The following RTN1 variants were observed in gnomAD, a reference collection of about 807,000 sequenced individuals.
RTN1 encodes the protein reticulon 1, also known as reticulon-1.
RTN1 carries 25 observed loss-of-function variants against 65.5 expected under a neutral mutation model. That is an observed-to-expected ratio of 0.38 (90% CI 0.28 to 0.53). The LOEUF (loss-of-function observed/expected upper bound fraction) is 0.53. RTN1 is among the 20% of genes least tolerant of loss of function. The probability of loss-of-function intolerance (pLI) is 0.79; values close to 1 mark genes in which losing one functional copy is unlikely to be tolerated. For synonymous variants in RTN1, 471 were observed against 447.6 expected, an observed-to-expected ratio of 1.05 and a Z score of -0.66; for missense variants, 983 against 1,025.4, an observed-to-expected ratio of 0.96 and a Z score of 0.57.
chr14:59,868,729 G>T lies in RTN1; in HGVS notation c.241+1661C>A, dbSNP rs1051901089. Among the ~76,000 whole-genome samples the T allele has an allele frequency of 2.0e-5, 3 of 152,094 alleles. No homozygotes were observed. The highest frequency in any genetic ancestry group is 4.4e-5 in the Non-Finnish European group (3 of 68,014). On this transcript the variant is annotated intron_variant, in intron 1 of 8. Transcript: ENST00000267484. The surrounding 1 kb of genome is among the most constrained non-coding windows in gnomAD (Gnocchi z 4.0). ...TGGGGCACTTAGCTTCCTTTTTCTA[G>T]TTCACATAATCTTAGTGGCACTAAT...
At chr14:59,725,858 G>A (rs1191533867) in intron 3 of RTN1, among the ~76,000 whole-genome samples, 3 of 152,180 alleles carry the variant, frequency 2.0e-5, no homozygotes, top group African/African-American at 7.2e-5. Flanking sequence ...ATTGAAGTTA[G>A]CATAGACACA....
At chr14:59,661,803 G>A (rs1010810826) in intron 3 of RTN1, among the ~76,000 whole-genome samples, 1 of 152,178 alleles carries the variant, frequency 6.6e-6, no homozygotes, top group East Asian at 1.9e-4. Context: ...CATACTGAAT[G>A]GGCAAAATCC....
At chr14:59,834,430 C>T (rs1214518200) in intron 1 of RTN1, among the ~76,000 whole-genome samples, 1 of 152,132 alleles carries the variant, frequency 6.6e-6, no homozygotes, top group Admixed American at 6.5e-5. Flanking sequence ...AGACAAGCCA[C>T]AGACTGGGAG....
rs1465120875 is a variant in RTN1 at position 59,774,002 on chromosome 14, A to C, written c.242-27521T>G. Among the ~76,000 whole-genome samples, 1 of 152,166 alleles carries C rather than the reference A, an allele frequency of 6.6e-6. No individual in the cohort carries two copies. The highest frequency in any genetic ancestry group is 2.4e-5 in the African/African-American group (1 of 41,432). On this transcript the variant is annotated intron_variant, in intron 1 of 8. Coordinates refer to ENST00000267484, the MANE Select transcript of RTN1 (RefSeq NM_021136.3). This position sits in a 1 kb window ranked among gnomAD's most constrained non-coding sequence, Gnocchi z 5.1. The stretch of plus-strand genomic sequence containing the variant: ...CTCTTTCATGTGATTAGAGTTTATT[A>C]TTTATCCATTATTGAAAAATTAGGA...
intron 2 of RTN1, among the ~76,000 whole-genome samples, chr14:59,738,272 T>C (rs988908737): frequency 1.3e-5 from 2 of 151,964 alleles, no homozygotes; most frequent in African/African-American, 4.8e-5. Flanking sequence ...AGGTCTAATA[T>C]CCAGCATCTA....
chr14:59,630,824 G>A (rs1882535641), intron 3 of RTN1: 1 of 1,014,666 alleles, frequency 9.9e-7, no homozygotes, highest in Non-Finnish European at 1.2e-6. Flanking sequence ...TGGCCGCGAA[G>A]GCGCTGACGC....
chr14:59,651,475 G>A (rs1306945130), intron 3 of RTN1, among the ~76,000 whole-genome samples: 1 of 151,984 alleles, frequency 6.6e-6, no homozygotes, highest in East Asian at 1.9e-4. Flanking sequence ...ACATAGGCAT[G>A]GGGTCTGTAA....
intron 3 of RTN1, among the ~76,000 whole-genome samples, chr14:59,645,976 A>C (rs979203749): frequency 6.6e-6 from 1 of 152,256 alleles, no homozygotes; most frequent in Non-Finnish European, 1.5e-5. Context: ...GTTGGCTGGA[A>C]TAACAGAAAG....
rs539765886 is a variant in RTN1, at chr14:59,707,602, A to G, written c.1765+19317T>C. 9.2e-5 allele frequency among the ~76,000 whole-genome samples: 14 copies of G among 152,140 alleles called. No individual in the cohort carries two copies. In the South Asian group the frequency reaches 2.9e-3, roughly 32 times the overall value. On this transcript the variant is annotated intron_variant, in intron 3 of 8. Coordinates refer to ENST00000267484, the MANE Select transcript of RTN1 (RefSeq NM_021136.3). ...AATGGTGCTGAATTTACAAATGTTC[A>G]CTCACCAAGAGTCAGCATCATTTGA...
chr14:59,862,247 G>C (rs1358420472), intron 1 of RTN1, among the ~76,000 whole-genome samples: 2 of 152,110 alleles, frequency 1.3e-5, no homozygotes, highest in African/African-American at 4.8e-5. Context: ...CAGAATCCTA[G>C]GCCATTATGT....
intron 3 of RTN1, among the ~76,000 whole-genome samples, chr14:59,660,659 A>G (rs1883224286): frequency 6.6e-6 from 1 of 152,134 alleles, no homozygotes; most frequent in Non-Finnish European, 1.5e-5. Flanking sequence ...GAAATTAAGG[A>G]AGAAATAAAT....
chr14:59,838,629 T>C (rs1222122574), intron 1 of RTN1, among the ~76,000 whole-genome samples: 1 of 152,168 alleles, frequency 6.6e-6, no homozygotes, highest in Non-Finnish European at 1.5e-5. Context: ...ACACAGAAGA[T>C]GATCCCAAAT....
intron 1 of RTN1, among the ~76,000 whole-genome samples, chr14:59,749,136 ATCTATCTATCTATC>A (rs1885300804): frequency 1.8e-5 from 2 of 109,696 alleles, no homozygotes; most frequent in Admixed American, 1.1e-4. Context: ...ATATATCTAT[ATCTATCTATCTATC>A]TATCTATATC....
At chr14:59,666,528 G>C in intron 3 of RTN1, among the ~76,000 whole-genome samples, 1 of 152,014 alleles carries the variant, frequency 6.6e-6, no homozygotes, top group East Asian at 1.9e-4. Context: ...ACAATTAAAA[G>C]AACTAGAGAA....
intron 1 of RTN1, among the ~76,000 whole-genome samples, chr14:59,749,513 A>G (rs1185985249): frequency 5.2e-5 from 2 of 38,144 alleles, no homozygotes; most frequent in East Asian, 1.3e-3. Flanking sequence ...ATATATAGAT[A>G]TCTATATATT....
At chr14:59,845,643 A>G (rs1293285494) in intron 1 of RTN1, among the ~76,000 whole-genome samples, 1 of 152,188 alleles carries the variant, frequency 6.6e-6, no homozygotes, top group Non-Finnish European at 1.5e-5. Flanking sequence ...AGAGAATAAA[A>G]TCTAAAGTTC....
At chr14:59,653,745 T>G (rs913324969) in intron 3 of RTN1, among the ~76,000 whole-genome samples, 6 of 151,868 alleles carry the variant, frequency 4.0e-5, no homozygotes, top group African/African-American at 1.2e-4. Flanking sequence ...GAATAATAGG[T>G]TCCCAAAATA....
intron 2 of RTN1, among the ~76,000 whole-genome samples, chr14:59,733,812 G>A (rs1474869952): frequency 1.3e-5 from 2 of 152,164 alleles, no homozygotes; most frequent in South Asian, 2.1e-4. Flanking sequence ...TAGCCTGTGG[G>A]GCTTGGAAAG....
intron 1 of RTN1, among the ~76,000 whole-genome samples, chr14:59,795,491 A>C (rs543389125): frequency 1.3e-5 from 2 of 152,316 alleles, no homozygotes; most frequent in African/African-American, 4.8e-5. Flanking sequence ...ACTTGAGCCC[A>C]GGAGTTCAAG....
Sources: allele counts gnomAD v4.1 joint callset (sites outside exome capture counted in the v4.1 genomes callset), GRCh38; gene constraint gnomAD v4.1.1; non-coding constraint Gnocchi (gnomAD v3.1); transcripts MANE v1.5; gene names NCBI Gene and HGNC (gene_info 2026-07-23, HGNC 2026-07-21).